PDE4D: variants seen among roughly 807,000 people sequenced by gnomAD.
The protein encoded by PDE4D is 3',5'-cyclic-AMP phosphodiesterase 4D.
PDE4D carries 24 observed loss-of-function variants against 87.4 expected under a neutral mutation model. That is an observed-to-expected ratio of 0.27 (90% CI 0.20 to 0.39). PDE4D has a LOEUF of 0.39. Ranked by LOEUF, PDE4D falls within the 10% of genes least tolerant of loss-of-function variation. PDE4D has a pLI of 1.00. For synonymous variants in PDE4D, 384 were observed against 383.2 expected, an observed-to-expected ratio of 1.00 and a Z score of -0.02; for missense variants, 714 against 1,041.0, an observed-to-expected ratio of 0.69 and a Z score of 4.32.
intron 1 of PDE4D, among the ~76,000 whole-genome samples, chr5:59,527,643 C>T (rs1446942492): frequency 6.6e-6 from 1 of 152,150 alleles, no homozygotes; most frequent in African/African-American, 2.4e-5. Flanking sequence ...GGCCAGCTTT[C>T]CAAACCTTCC....
intron 6 of PDE4D, among the ~76,000 whole-genome samples, chr5:59,031,955 T>C (rs929226335): frequency 6.6e-6 from 1 of 151,546 alleles, no homozygotes; most frequent in Non-Finnish European, 1.5e-5. Context: ...GAGAGAGAAA[T>C]GGAAGATGTC....
At chr5:59,785,213 A>G (rs1765050241) in intron 1 of PDE4D, among the ~76,000 whole-genome samples, 1 of 152,240 alleles carries the variant, frequency 6.6e-6, no homozygotes, top group Non-Finnish European at 1.5e-5. Flanking sequence ...TTCTTTCATA[A>G]GCATATAAGA....
At chr5:60,388,273 A>C (rs1336660591) in intron 1 of PDE4D, among the ~76,000 whole-genome samples, 1 of 152,010 alleles carries the variant, frequency 6.6e-6, no homozygotes, top group Non-Finnish European at 1.5e-5. Flanking sequence ...AAACCCATCA[A>C]TGCCTATCTA....
At position 59,214,032 on chromosome 5, in the gene PDE4D, T is replaced by TCACACACACA. The variant is rs199738839; in HGVS notation, c.647+1735_647+1744dup. Among the ~76,000 whole-genome samples, 318 of 132,768 alleles carry TCACACACACA rather than the reference T, an allele frequency of 2.4e-3. 3 individuals are homozygous for TCACACACACA. The highest frequency in any genetic ancestry group is 8.0e-3 in the African/African-American group (283 of 35,170). 87.1% of individuals were successfully genotyped at this position (132,768 alleles called of 152,430 possible). ...CTGTCCCCCAACATACATACATACT[T>TCACACACACA]CACACACACACACACACACACACAC... On this transcript the variant is annotated intron_variant, in intron 2 of 14. Coordinates refer to ENST00000340635, the MANE Select transcript of PDE4D (RefSeq NM_001104631.2).
chr5:60,482,144 C>T (rs1232011016), intron 1 of PDE4D, among the ~76,000 whole-genome samples: 1 of 151,990 alleles, frequency 6.6e-6, no homozygotes, highest in Non-Finnish European at 1.5e-5. Flanking sequence ...AGAGTGGAGC[C>T]ATCAGGAATG....
intron 5 of PDE4D, among the ~76,000 whole-genome samples, chr5:59,159,712 C>T (rs1184179466): frequency 6.6e-6 from 1 of 152,132 alleles, no homozygotes; most frequent in Non-Finnish European, 1.5e-5. Flanking sequence ...TAAAGGTCTA[C>T]CTCAGAAATG....
intron 1 of PDE4D, among the ~76,000 whole-genome samples, chr5:59,865,946 G>A (rs1260568490): frequency 1.3e-5 from 2 of 152,206 alleles, no homozygotes; most frequent in African/African-American, 4.8e-5. Context: ...AGAACGCTTT[G>A]CCTCCAGCAC....
chr5:59,235,161 G>A (rs571236872), intron 1 of PDE4D, among the ~76,000 whole-genome samples: 9 of 152,174 alleles, frequency 5.9e-5, no homozygotes, highest in South Asian at 4.2e-4. Context: ...CTAATCCCAC[G>A]AAAGTATGTG....
intron 2 of PDE4D, among the ~76,000 whole-genome samples, chr5:60,097,288 T>TGTGTGTGTGTG (rs1562088754): frequency 6.6e-6 from 1 of 151,562 alleles, no homozygotes. Flanking sequence ...TGTGTGTGTG[T>TGTGTGTGTGTG]TTAACAAATA....
At chr5:59,276,506 G>A (rs930327521) in intron 1 of PDE4D, among the ~76,000 whole-genome samples, 4 of 152,102 alleles carry the variant, frequency 2.6e-5, no homozygotes, top group East Asian at 1.9e-4. Context: ...CATTTTGAGC[G>A]GATGTAATGA....
intron 1 of PDE4D, among the ~76,000 whole-genome samples, chr5:59,255,909 C>T (rs188210010): frequency 9.4e-4 from 143 of 152,166 alleles, no homozygotes; most frequent in Non-Finnish European, 1.5e-3. Context: ...CATAGATGCA[C>T]AGTATTGTCT....
chr5:59,980,951 T>C (rs886129517), intron 3 of PDE4D, among the ~76,000 whole-genome samples: 1 of 152,156 alleles, frequency 6.6e-6, no homozygotes, highest in African/African-American at 2.4e-5. Flanking sequence ...AATTTTAATC[T>C]TGAAAATCAC....
intron 1 of PDE4D, among the ~76,000 whole-genome samples, chr5:59,426,412 T>TCC (rs1795214951): frequency 6.6e-6 from 1 of 152,190 alleles, no homozygotes; most frequent in Non-Finnish European, 1.5e-5. Flanking sequence ...CTTCCTGTCT[T>TCC]CTGGATCTTC....
At chr5:59,610,757 A>G (rs1305562610) in intron 1 of PDE4D, among the ~76,000 whole-genome samples, 1 of 152,168 alleles carries the variant, frequency 6.6e-6, no homozygotes, top group Non-Finnish European at 1.5e-5. Context: ...ACGAGGGGGA[A>G]AAGGAGACTA....
chr5:59,066,100 G>A (rs1200944837), intron 5 of PDE4D, among the ~76,000 whole-genome samples: 3 of 152,072 alleles, frequency 2.0e-5, no homozygotes, highest in African/African-American at 4.8e-5. Context: ...TCAATTCATT[G>A]ATTCATTGAA....
intron 2 of PDE4D, among the ~76,000 whole-genome samples, chr5:60,073,260 T>C (rs1288360625): frequency 6.6e-6 from 1 of 152,170 alleles, no homozygotes; most frequent in Non-Finnish European, 1.5e-5. Flanking sequence ...GTGCATCTAT[T>C]ACAATAATCA....
chr5:60,434,086 A>G (rs2150120973), intron 1 of PDE4D, among the ~76,000 whole-genome samples: 1 of 152,302 alleles, frequency 6.6e-6, no homozygotes, highest in South Asian at 2.1e-4. Context: ...TAAAAAAAAA[A>G]GATTTCAGAG....
At chr5:59,997,687 C>A (rs1582105670) in intron 2 of PDE4D, among the ~76,000 whole-genome samples, 1 of 152,132 alleles carries the variant, frequency 6.6e-6, no homozygotes, top group South Asian at 2.1e-4. Context: ...CCTTGATAAA[C>A]AAACTATGGA....
intron 1 of PDE4D, among the ~76,000 whole-genome samples, chr5:60,337,348 A>T (rs1164057608): frequency 6.2e-5 from 4 of 64,452 alleles, no homozygotes; most frequent in Admixed American, 1.6e-4. Flanking sequence ...ACAAACAAAC[A>T]AACTATATAT....
Sources: gnomAD v4.1 joint callset for allele counts (sites outside exome capture counted in the v4.1 genomes callset) on GRCh38, gnomAD v4.1.1 for gene constraint, MANE v1.5 for transcripts, NCBI Gene and HGNC (gene_info 2026-07-23, HGNC 2026-07-21) for gene names.